Variants in AGAP1 observed in about 807,000 individuals in gnomAD.
AGAP1 encodes the protein arf-GAP with GTPase, ANK repeat and PH domain-containing protein 1.
A neutral mutation model predicts 105.3 loss-of-function variants in AGAP1; 29 were observed. That is an observed-to-expected ratio of 0.28 (90% CI 0.21 to 0.38). The LOEUF (loss-of-function observed/expected upper bound fraction) is 0.38, where lower values mean the gene tolerates loss of function less well. Ranked by LOEUF, AGAP1 falls within the 10% of genes least tolerant of loss-of-function variation. The pLI, the probability that AGAP1 is intolerant of heterozygous loss-of-function variation, is 1.00. For missense variants in AGAP1, 998 were observed against 1,165.1 expected, an observed-to-expected ratio of 0.86 and a Z score of 2.09; for synonymous variants, 509 against 485.9, an observed-to-expected ratio of 1.05 and a Z score of -0.63.
intron 9 of AGAP1, among the ~76,000 whole-genome samples, chr2:235,844,656 C>A (rs1248700627): frequency 6.6e-6 from 1 of 152,138 alleles, no homozygotes; most frequent in Admixed American, 6.5e-5. Flanking sequence ...CCTCCCTGTC[C>A]CAGCTTCTGT....
chr2:235,661,844 T>C (rs563982379), intron 1 of AGAP1, among the ~76,000 whole-genome samples: 107 of 152,252 alleles, frequency 7.0e-4, no homozygotes, highest in Non-Finnish European at 1.5e-3. Flanking sequence ...TGATGTCCCT[T>C]GGCCTCTGCT....
At chr2:235,666,042 G>C (rs1157946628) in intron 1 of AGAP1, among the ~76,000 whole-genome samples, 1 of 152,186 alleles carries the variant, frequency 6.6e-6, no homozygotes, top group Admixed American at 6.5e-5. Context: ...GGAACTAAGG[G>C]AGCGAAGCCA....
rs954427309 is a variant in AGAP1, at chr2:236,123,182, T to C, written c.2371-737T>C. 6.6e-6 allele frequency among the ~76,000 whole-genome samples: 1 copy of C among 152,134 alleles called. No homozygotes were observed. The highest frequency in any genetic ancestry group is 1.5e-5 in the Non-Finnish European group (1 of 68,010). ...TCTGCCTCCTAGGCTCAAGCGATCC[T>C]CCCACCTCAGCCTCCTGCATAGCTG... On this transcript the variant is annotated intron_variant, in intron 17 of 17. Transcript: ENST00000304032. This position sits in a 1 kb window ranked among gnomAD's most constrained non-coding sequence, Gnocchi z 4.6.
intron 12 of AGAP1, among the ~76,000 whole-genome samples, chr2:235,945,588 T>TA (rs11391979): frequency 0.63 from 95,410 of 151,778 alleles, 31,396 homozygotes; most frequent in African/African-American, 0.84. Flanking sequence ...TTTCCCCTAA[T>TA]AAAAAAATTA....
At chr2:235,978,373 T>C (rs375114684) in intron 13 of AGAP1, among the ~76,000 whole-genome samples, 37 of 152,300 alleles carry the variant, frequency 2.4e-4, no homozygotes, top group African/African-American at 8.9e-4. Flanking sequence ...ATCACAGCTG[T>C]CCTTTCCCCT....
rs1218322004 is a variant in AGAP1 at position 236,062,885 on chromosome 2, C to T, written c.2114+13604C>T. ...CCATCTTGGCCAGGCTGGTCTTGAA[C>T]TCCTGACCTCATGATCCACCCACCT... is the stretch of plus-strand genomic sequence containing the variant. On this transcript the variant is annotated intron_variant, in intron 16 of 17. Transcript: ENST00000304032. This position sits in a 1 kb window ranked among gnomAD's most constrained non-coding sequence, Gnocchi z 4.2. 6.6e-6 allele frequency among the ~76,000 whole-genome samples: 1 copy of T among 152,040 alleles called. No homozygotes were observed. The highest frequency in any genetic ancestry group is 2.4e-5 in the African/African-American group (1 of 41,392).
rs541692086 is a variant in AGAP1, at chr2:235,752,923, T to A, written c.673+2435T>A. ...CGGAGGATGGGAGTCCAGGGCCAGG[T>A]GCTGGTGGGTGTGGTGTCTGCTGAG... On this transcript the variant is annotated intron_variant, in intron 6 of 17. Coordinates refer to ENST00000304032, the MANE Select transcript of AGAP1 (RefSeq NM_001037131.3). The surrounding 1 kb of genome is among the most constrained non-coding windows in gnomAD (Gnocchi z 4.3). Among the ~76,000 whole-genome samples the A allele has an allele frequency of 1.3e-5, 2 of 152,132 alleles. No individual in the cohort carries two copies. Among genetic ancestry groups the A allele is most frequent in the Non-Finnish European group, 2.9e-5 (2 of 68,038 alleles).
intron 1 of AGAP1, among the ~76,000 whole-genome samples, chr2:235,638,767 G>A (rs1048497207): frequency 6.6e-6 from 1 of 152,206 alleles, no homozygotes; most frequent in African/African-American, 2.4e-5. Flanking sequence ...GGAGGAGGAG[G>A]GAGCAGCCAG....
rs1576055327 is a variant in AGAP1, at chr2:236,012,355, T to C, written c.1646-24206T>C. On this transcript the variant is annotated intron_variant, in intron 13 of 17. Coordinates refer to ENST00000304032, the MANE Select transcript of AGAP1 (RefSeq NM_001037131.3). The surrounding 1 kb of genome is among the most constrained non-coding windows in gnomAD (Gnocchi z 4.9). Reference sequence around the variant, plus strand: ...TATTGCTGCAAGAGGTAAGTTGTACTCTTGAGGAGTGCAGCCTTCTCATGG... The same window carrying C: ...TATTGCTGCAAGAGGTAAGTTGTACCCTTGAGGAGTGCAGCCTTCTCATGG... Among the ~76,000 whole-genome samples, 1 of 152,104 alleles carries C rather than the reference T, an allele frequency of 6.6e-6. No individual in the cohort carries two copies. Among genetic ancestry groups the C allele is most frequent in the Non-Finnish European group, 1.5e-5 (1 of 68,018 alleles).
intron 1 of AGAP1, among the ~76,000 whole-genome samples, chr2:235,697,995 C>T (rs527415774): frequency 2.4e-4 from 36 of 152,248 alleles, no homozygotes; most frequent in African/African-American, 7.0e-4. Context: ...AGTCTCCAAG[C>T]TTTTTTGGCA....
intron 5 of AGAP1, among the ~76,000 whole-genome samples, chr2:235,745,719 C>T (rs759295655): frequency 8.5e-5 from 13 of 152,216 alleles, no homozygotes; most frequent in Non-Finnish European, 1.0e-4. Flanking sequence ...CTCTTTAGGA[C>T]GTCAGCTGTA....
At chr2:235,984,119 G>A (rs574743500) in intron 13 of AGAP1, among the ~76,000 whole-genome samples, 1 of 152,220 alleles carries the variant, frequency 6.6e-6, no homozygotes, top group South Asian at 2.1e-4. Flanking sequence ...CTGTGAATTT[G>A]CCTCATCTGG....
intron 1 of AGAP1, among the ~76,000 whole-genome samples, chr2:235,524,003 T>C (rs990192272): frequency 6.6e-6 from 1 of 152,180 alleles, no homozygotes; most frequent in Non-Finnish European, 1.5e-5. Context: ...CCCTGTGACC[T>C]GGCCAGGGTG....
rs1175960526 is a variant in AGAP1 at position 235,623,182 on chromosome 2, C to T, written c.164-85997C>T. Among the ~76,000 whole-genome samples the T allele has an allele frequency of 6.6e-6, 1 of 152,192 alleles. No homozygotes were observed. Among genetic ancestry groups the T allele is most frequent in the Non-Finnish European group, 1.5e-5 (1 of 68,034 alleles). On this transcript the variant is annotated intron_variant, in intron 1 of 17. Coordinates refer to ENST00000304032, the MANE Select transcript of AGAP1 (RefSeq NM_001037131.3). The surrounding 1 kb of genome is among the most constrained non-coding windows in gnomAD (Gnocchi z 4.5). ...GGCCTTTCCTTTCATTTCGAACTTT[C>T]AATACAGCTGCAGAAACAATGCATC...
chr2:235,839,772 A>G (rs1002585439), intron 9 of AGAP1, among the ~76,000 whole-genome samples: 2 of 152,162 alleles, frequency 1.3e-5, no homozygotes, highest in African/African-American at 2.4e-5. Flanking sequence ...TTTCCAGGAG[A>G]TGTGGGAACA....
rs909394919 is a variant in AGAP1, at chr2:236,046,144, G to T, written c.1892-2915G>T. 1 of 412,846 alleles carries T rather than the reference G, an allele frequency of 2.4e-6. No homozygotes were observed. Among genetic ancestry groups the T allele is most frequent in the Admixed American group, 2.6e-5 (1 of 38,172 alleles). The allele number at this position is 412,846 out of a possible 1,614,324, so 25.6% of individuals were successfully genotyped here. A position where few individuals can be genotyped will look rare whatever the true frequency, so the allele number is the denominator to read the frequency against. ...GGTGGGCATAGGAACCAAATCGGAG[G>T]TTCTGGTAAGAGCTTAGGCAAGTGG... On this transcript the variant is annotated intron_variant, in intron 15 of 17. Coordinates refer to ENST00000304032, the MANE Select transcript of AGAP1 (RefSeq NM_001037131.3). The surrounding 1 kb of genome is among the most constrained non-coding windows in gnomAD (Gnocchi z 5.2).
intron 9 of AGAP1, among the ~76,000 whole-genome samples, chr2:235,856,985 C>CA (rs1202502737): frequency 1.3e-5 from 2 of 152,202 alleles, no homozygotes; most frequent in Non-Finnish European, 2.9e-5. Flanking sequence ...CACACACACT[C>CA]AGCCACACTG....
At chr2:235,726,458 A>G (rs953780073) in intron 3 of AGAP1, among the ~76,000 whole-genome samples, 2 of 152,244 alleles carry the variant, frequency 1.3e-5, no homozygotes, top group African/African-American at 4.8e-5. Context: ...TTTTTCCTAG[A>G]GAAATTTTAC....
In AGAP1 at chr2:236,095,545, A is replaced by G. The variant is rs746088483; in HGVS notation, c.2115-24647A>G. On this transcript the variant is annotated intron_variant, in intron 16 of 17. Transcript: ENST00000304032. The surrounding 1 kb of genome is among the most constrained non-coding windows in gnomAD (Gnocchi z 4.1). ...TAAAAAAAGATTAAAAAATAGGAAA[A>G]AAAGACTCTCTAAAAAAATACAAGA... Among the ~76,000 whole-genome samples, 1 of 152,110 alleles carries G rather than the reference A, an allele frequency of 6.6e-6. No individual in the cohort carries two copies. Among genetic ancestry groups the G allele is most frequent in the East Asian group, 1.9e-4 (1 of 5,190 alleles).
Sources: allele counts gnomAD v4.1 joint callset (sites outside exome capture counted in the v4.1 genomes callset), GRCh38; gene constraint gnomAD v4.1.1; non-coding constraint Gnocchi (gnomAD v3.1); transcripts MANE v1.5; gene names NCBI Gene and HGNC (gene_info 2026-07-23, HGNC 2026-07-21).